PDE7B: variants seen among roughly 807,000 people sequenced by gnomAD.
PDE7B encodes the protein 3',5'-cyclic-AMP phosphodiesterase 7B.
PDE7B carries 29 observed loss-of-function variants against 56.2 expected under a neutral mutation model. The observed-to-expected ratio is 0.52, with a 90% CI of 0.38 to 0.70. PDE7B has a LOEUF of 0.70. PDE7B is among the 30% of genes least tolerant of loss of function. The probability of loss-of-function intolerance (pLI) is 0.00; values close to 1 mark genes in which losing one functional copy is unlikely to be tolerated. For missense variants in PDE7B, 490 were observed against 565.0 expected, an observed-to-expected ratio of 0.87 and a Z score of 1.35; for synonymous variants, 197 against 196.9, an observed-to-expected ratio of 1.00 and a Z score of 0.00.
chr6:135,999,400 T>C (rs1366588954), intron 2 of PDE7B, among the ~76,000 whole-genome samples: 1 of 152,112 alleles, frequency 6.6e-6, no homozygotes. Context: ...TACTTTTTTT[T>C]CTTCTCTCCC....
rs1777696786 is a variant in PDE7B at position 136,108,765 on chromosome 6, T to C, written c.117T>C (p.Arg39=). 6.2e-7 allele frequency: 1 copy of C among 1,612,132 alleles called. No homozygotes were observed. The highest frequency in any genetic ancestry group is 1.3e-5 in the African/African-American group (1 of 74,876). The stretch of plus-strand genomic sequence containing the variant: ...GACTAAGGGGTCAGACGGGGGTTCG[T>C]GCTGAACGCCGTGGCTCCTACCCAT... The part of the protein sequence containing the change: ...DIRLRGQTGV[R]AERRGSYPFI... The change falls in exon 3 of 13, where the codon CGT becomes CGC. Residue 39 remains arginine, a synonymous_variant. Coordinates refer to ENST00000308191, the MANE Select transcript of PDE7B (RefSeq NM_018945.4).
At chr6:135,937,990 G>T (rs1774450493) in intron 1 of PDE7B, among the ~76,000 whole-genome samples, 1 of 152,142 alleles carries the variant, frequency 6.6e-6, no homozygotes, top group Non-Finnish European at 1.5e-5. Flanking sequence ...TATATAAGAT[G>T]GTTTCTCATA....
intron 12 of PDE7B, among the ~76,000 whole-genome samples, chr6:136,191,120 T>C (rs1271744644): frequency 2.0e-5 from 3 of 151,462 alleles, no homozygotes; most frequent in Non-Finnish European, 4.4e-5. Flanking sequence ...CTAAGCATTG[T>C]ACATACATTA....
chr6:135,931,289 T>C (rs1446149814), intron 1 of PDE7B, among the ~76,000 whole-genome samples: 6 of 152,224 alleles, frequency 3.9e-5, no homozygotes, highest in Admixed American at 1.3e-4. Flanking sequence ...CTAAGTGATC[T>C]CTGTAAAATA....
At chr6:136,189,828 T>C (rs1779193807) in intron 12 of PDE7B, among the ~76,000 whole-genome samples, 2 of 152,068 alleles carry the variant, frequency 1.3e-5, no homozygotes, top group Admixed American at 6.6e-5. Context: ...TGGAACAGGT[T>C]TCCAAATCTG....
chr6:136,051,405 C>A (rs1388843046), intron 2 of PDE7B, among the ~76,000 whole-genome samples: 2 of 152,198 alleles, frequency 1.3e-5, no homozygotes, highest in African/African-American at 4.8e-5. Context: ...AGTGCCAGTC[C>A]AAATACCCAC....
intron 2 of PDE7B, among the ~76,000 whole-genome samples, chr6:136,014,894 G>C (rs934064991): frequency 1.3e-5 from 2 of 152,176 alleles, no homozygotes; most frequent in African/African-American, 4.8e-5. Flanking sequence ...TGGAACGTCT[G>C]GCCGATTGCA....
chr6:135,898,569 T>G (rs1775942578), intron 1 of PDE7B, among the ~76,000 whole-genome samples: 1 of 152,146 alleles, frequency 6.6e-6, no homozygotes, highest in Non-Finnish European at 1.5e-5. Context: ...CCATAGAACA[T>G]AGAGCAATTT....
chr6:136,117,095 A>T (rs1182373576), intron 3 of PDE7B: 1 of 152,096 alleles, frequency 6.6e-6, no homozygotes, highest in African/African-American at 2.4e-5. Flanking sequence ...AGAAATGGCC[A>T]TTTTCTACTA....
At chr6:135,954,125 A>T (rs1774748731) in intron 2 of PDE7B, among the ~76,000 whole-genome samples, 11 of 152,164 alleles carry the variant, frequency 7.2e-5, no homozygotes, top group Admixed American at 7.2e-4. Flanking sequence ...CATTGCACTT[A>T]TCACTAAAGG....
At chr6:136,126,046 A>G (rs1267692917) in intron 3 of PDE7B, among the ~76,000 whole-genome samples, 1 of 152,224 alleles carries the variant, frequency 6.6e-6, no homozygotes, top group South Asian at 2.1e-4. Flanking sequence ...ATGACAAATA[A>G]TGTTTTCAAT....
chr6:136,002,140 A>G (rs1775681284), intron 2 of PDE7B, among the ~76,000 whole-genome samples: 1 of 152,190 alleles, frequency 6.6e-6, no homozygotes, highest in African/African-American at 2.4e-5. Flanking sequence ...TTTCACAGAC[A>G]AGGAAATGCT....
intron 2 of PDE7B, among the ~76,000 whole-genome samples, chr6:136,047,039 C>CA (rs1335080959): frequency 6.6e-6 from 1 of 152,124 alleles, no homozygotes; most frequent in Non-Finnish European, 1.5e-5. Flanking sequence ...GGACATACAT[C>CA]AAAAAACATT....
chr6:136,175,308 A>G (rs1431605313), intron 9 of PDE7B, among the ~76,000 whole-genome samples: 1 of 152,198 alleles, frequency 6.6e-6, no homozygotes, highest in Non-Finnish European at 1.5e-5. Flanking sequence ...TCACAGGTAA[A>G]TGCTTTAATG....
chr6:135,989,739 T>C lies in PDE7B; in HGVS notation c.82+42215T>C, dbSNP rs142995981. ...TATCAATCAAATTCATTCTAGAGAA[T>C]TGGTTTAATTACAATGGTTTATGTT... On this transcript the variant is annotated intron_variant, in intron 2 of 12. Coordinates refer to ENST00000308191, the MANE Select transcript of PDE7B (RefSeq NM_018945.4). Among the ~76,000 whole-genome samples the C allele has an allele frequency of 2.6e-5, 4 of 152,250 alleles. No individual in the cohort carries two copies. The East Asian group carries it at 5.8e-4, about 22-fold the overall frequency.
chr6:136,006,494 T>A (rs1775786576), intron 2 of PDE7B, among the ~76,000 whole-genome samples: 1 of 152,142 alleles, frequency 6.6e-6, no homozygotes, highest in Admixed American at 6.6e-5. Flanking sequence ...TTTGTAAATT[T>A]CTTTGGGAAG....
intron 2 of PDE7B, among the ~76,000 whole-genome samples, chr6:135,987,370 G>A (rs890928783): frequency 6.6e-6 from 1 of 152,108 alleles, no homozygotes; most frequent in Non-Finnish European, 1.5e-5. Flanking sequence ...AGTGGCCCCT[G>A]CTCCCAAGTA....
chr6:135,954,732 T>A (rs1476976283), intron 2 of PDE7B, among the ~76,000 whole-genome samples: 2 of 152,136 alleles, frequency 1.3e-5, no homozygotes, highest in Admixed American at 6.6e-5. Context: ...ACAGAAAATT[T>A]TTTCACCTTG....
At chr6:136,131,358 G>A (rs992244963) in intron 3 of PDE7B, among the ~76,000 whole-genome samples, 2 of 152,164 alleles carry the variant, frequency 1.3e-5, no homozygotes, top group Admixed American at 1.3e-4. Flanking sequence ...AAGCAGCAAG[G>A]AAAGGTTTTG....
Sources: gnomAD v4.1 joint callset for allele counts (sites outside exome capture counted in the v4.1 genomes callset) on GRCh38, gnomAD v4.1.1 for gene constraint, MANE v1.5 for transcripts, NCBI Gene and HGNC (gene_info 2026-07-23, HGNC 2026-07-21) for gene names.